Variants in CLCN5 observed in about 807,000 individuals in gnomAD.
The protein encoded by CLCN5 is H(+)/Cl(-) exchange transporter 5.
Under a neutral mutation model 54.0 loss-of-function variants are expected in CLCN5, and 17 were observed. The ratio of observed to expected loss-of-function variants is 0.31; its 90% CI spans 0.22 to 0.47. The LOEUF is 0.47. CLCN5 is among the 20% of genes least tolerant of loss of function. The pLI is 1.00. For synonymous variants in CLCN5, 222 were observed against 233.0 expected, an observed-to-expected ratio of 0.95 and a Z score of 0.43; for missense variants, 448 against 646.7, an observed-to-expected ratio of 0.69 and a Z score of 3.33.
intron 3 of CLCN5, among the ~76,000 whole-genome samples, chrX:49,958,914 A>G (rs1297114707): frequency 3.6e-5 from 4 of 112,094 alleles, no homozygotes; most frequent in South Asian, 7.4e-4. Context: ...CTGTTCACAT[A>G]TATCTTCTAC....
intron 3 of CLCN5, among the ~76,000 whole-genome samples, chrX:49,948,937 A>G (rs1926893805): frequency 8.9e-6 from 1 of 112,429 alleles, no homozygotes; most frequent in African/African-American, 3.2e-5. Flanking sequence ...CTGCAGTGTA[A>G]TGGGTCATTT....
At position 50,093,613 on chromosome X, in the gene CLCN5, C is replaced by T. The variant is rs1183204220; in HGVS notation, c.*1394C>T. ...GACACTTGGTGGAATTACAGAGCCA[C>T]CATCATCATTCCAACCACTATTTCA... On this transcript the variant is annotated 3_prime_UTR_variant, in exon 15 of 15. Coordinates refer to ENST00000376091, the MANE Select transcript of CLCN5 (RefSeq NM_001127898.4). The T allele has an allele frequency of 4.5e-5, 5 of 111,666 alleles. No homozygotes were observed. Among genetic ancestry groups the T allele is most frequent in the Non-Finnish European group, 7.5e-5 (4 of 53,044 alleles). The allele number at this position is 111,666 out of a possible 1,213,427, so 9.2% of individuals were successfully genotyped here.
intron 3 of CLCN5, among the ~76,000 whole-genome samples, chrX:49,983,455 G>A (rs782610014): frequency 9.1e-6 from 1 of 109,664 alleles, no homozygotes; most frequent in East Asian, 2.9e-4. Context: ...CTGAGGAACT[G>A]GCATTAACTT....
chrX:49,988,150 A>C (rs782024055), intron 3 of CLCN5, among the ~76,000 whole-genome samples: 2 of 111,253 alleles, frequency 1.8e-5, no homozygotes, highest in East Asian at 5.6e-4. Context: ...TCTGGCCTCC[A>C]GCAAGAAACC....
At chrX:50,057,178 G>A (rs902760805) in intron 4 of CLCN5, among the ~76,000 whole-genome samples, 1 of 109,882 alleles carries the variant, frequency 9.1e-6, no homozygotes, top group Non-Finnish European at 1.9e-5. Context: ...GCTGGATCAT[G>A]GGTAAGTTCA....
At chrX:49,958,571 C>T (rs782512730) in intron 3 of CLCN5, among the ~76,000 whole-genome samples, 1 of 111,622 alleles carries the variant, frequency 9.0e-6, no homozygotes, top group Non-Finnish European at 1.9e-5. Context: ...AGAGCCATTT[C>T]AGAAATACCC....
chrX:50,070,968 T>C (rs1557191460), intron 5 of CLCN5, among the ~76,000 whole-genome samples: 1 of 110,935 alleles, frequency 9.0e-6, no homozygotes, highest in East Asian at 2.8e-4. Context: ...CTCTGGTGAG[T>C]CACTTCTTCA....
chrX:49,982,640 A>AT (rs1298517223), intron 3 of CLCN5, among the ~76,000 whole-genome samples: 1 of 111,898 alleles, frequency 8.9e-6, no homozygotes, highest in Non-Finnish European at 1.9e-5. Flanking sequence ...AAACGTTGCT[A>AT]TTGAAAGCAT....
intron 4 of CLCN5, among the ~76,000 whole-genome samples, chrX:50,048,390 C>T (rs1292597165): frequency 8.9e-6 from 1 of 112,496 alleles, no homozygotes; most frequent in Non-Finnish European, 1.9e-5. Context: ...TTAGCTCACA[C>T]GTAGGACTAG....
chrX:50,078,860 T>C (rs1423095892), intron 7 of CLCN5, among the ~76,000 whole-genome samples: 1 of 112,290 alleles, frequency 8.9e-6, no homozygotes, highest in Non-Finnish European at 1.9e-5. Flanking sequence ...TCTCACTCTG[T>C]CACCCAGGCT....
intron 3 of CLCN5, among the ~76,000 whole-genome samples, chrX:49,972,809 A>G (rs1928288667): frequency 8.9e-6 from 1 of 111,891 alleles, no homozygotes; most frequent in African/African-American, 3.2e-5. Flanking sequence ...TCCAACATAC[A>G]GAATTGAAGA....
At chrX:50,087,784 T>C (rs1933942912) in intron 11 of CLCN5, among the ~76,000 whole-genome samples, 2 of 112,109 alleles carry the variant, frequency 1.8e-5, no homozygotes, top group African/African-American at 6.5e-5. Flanking sequence ...GCCTGCATTC[T>C]TTCACTTAAA....
intron 3 of CLCN5, among the ~76,000 whole-genome samples, chrX:49,928,586 C>T (rs1238609067): frequency 6.3e-5 from 7 of 111,170 alleles, no homozygotes; most frequent in African/African-American, 2.3e-4. Context: ...CTGTGGTTGT[C>T]TGTTTGGGTC....
At chrX:49,975,645 TC>T (rs1928440681) in intron 3 of CLCN5, among the ~76,000 whole-genome samples, 1 of 111,136 alleles carries the variant, frequency 9.0e-6, no homozygotes, top group African/African-American at 3.3e-5. Context: ...GACCCCCTGT[TC>T]CATGTCCCCA....
chrX:50,042,614 C>A, intron 4 of CLCN5, 152 bp downstream of exon 4: 1 of 331,768 alleles, frequency 3.0e-6, no homozygotes, highest in Non-Finnish European at 5.0e-6. Context: ...TGACAGGATA[C>A]AGAACAGTTC....
In CLCN5 at chrX:50,096,071, A is replaced by G. The variant is rs1439689343; in HGVS notation, c.*3852A>G. The G allele has an allele frequency of 1.8e-5, 2 of 111,627 alleles. No homozygotes were observed. Among genetic ancestry groups the G allele is most frequent in the Non-Finnish European group, 3.8e-5 (2 of 53,160 alleles). The allele number at this position is 111,627 out of a possible 1,213,427, so 9.2% of individuals were successfully genotyped here. Reference sequence around the variant, plus strand: ...AAAGTACTTACTGATGACTGACCACACTGTCTTGTGAGGAACTGGGTCCCC... The same window carrying G: ...AAAGTACTTACTGATGACTGACCACGCTGTCTTGTGAGGAACTGGGTCCCC... On this transcript the variant is annotated 3_prime_UTR_variant, in exon 15 of 15. Transcript: ENST00000376091.
intron 11 of CLCN5, among the ~76,000 whole-genome samples, chrX:50,087,302 G>T (rs940563752): frequency 9.0e-6 from 1 of 111,345 alleles, no homozygotes; most frequent in Non-Finnish European, 1.9e-5. Context: ...GCTGGGATTC[G>T]ACCATTTTGA....
In CLCN5 at chrX:50,057,374, G is replaced by GGTCCTGGATAGATACTATCCAGGACT. The variant is rs1569539652; in HGVS notation, c.164-12504_164-12479dup. On this transcript the variant is annotated intron_variant, in intron 4 of 14. Transcript: ENST00000376091. ...CTAAGAGTACACTAAAGCATAATGTGGTCCTGGATAGATACTATCCAGGAC... is the reference window on the plus strand; with the variant it reads ...CTAAGAGTACACTAAAGCATAATGTGGTCCTGGATAGATACTATCCAGGACTGTCCTGGATAGATACTATCCAGGAC... Among the ~76,000 whole-genome samples the GGTCCTGGATAGATACTATCCAGGACT allele has an allele frequency of 1.4e-3, 136 of 95,573 alleles. 7 individuals carry two copies. The highest frequency in any genetic ancestry group is 4.9e-3 in the African/African-American group (128 of 26,230). The allele number at this position is 95,573 out of a possible 115,157, so 83.0% of individuals were successfully genotyped here.
At chrX:50,054,261 T>G (rs1932676417) in intron 4 of CLCN5, among the ~76,000 whole-genome samples, 1 of 111,314 alleles carries the variant, frequency 9.0e-6, no homozygotes, top group South Asian at 3.8e-4. Flanking sequence ...GCCCTGCACC[T>G]TGTTGAGTAT....
Sources: gnomAD v4.1 joint callset for allele counts (sites outside exome capture counted in the v4.1 genomes callset) on GRCh38, gnomAD v4.1.1 for gene constraint, MANE v1.5 for transcripts, NCBI Gene and HGNC (gene_info 2026-07-23, HGNC 2026-07-21) for gene names.